Variants in SPATA6L observed in about 807,000 individuals in gnomAD.
SPATA6L encodes the protein spermatogenesis associated 6 like, also known as spermatogenesis associated 6-like protein.
Under a neutral mutation model 49.2 loss-of-function variants are expected in SPATA6L, and 68 were observed. The ratio of observed to expected loss-of-function variants is 1.38; its 90% CI spans 1.14 to 1.69. The LOEUF is 1.69. Among genes scored for constraint, SPATA6L ranks in the 40% most tolerant of loss-of-function variants. The pLI is 0.00. For missense variants in SPATA6L, 668 were observed against 464.3 expected (o/e 1.44, Z -4.03); for synonymous variants, 198 against 165.7 (o/e 1.19, Z -1.50).
chr9:4,601,504 C>T (rs546821205), intron 11 of SPATA6L, among the ~76,000 whole-genome samples: 1 of 152,164 alleles, frequency 6.6e-6, no homozygotes, highest in Non-Finnish European at 1.5e-5. Flanking sequence ...GTATTCCAAC[C>T]CCTTCAACCC....
At position 4,662,186 on chromosome 9, in the gene SPATA6L, C is replaced by G. The variant is rs1839953230; in HGVS notation, c.40-150G>C. On this transcript the variant is annotated intron_variant, in intron 1 of 11. Coordinates refer to ENST00000682582, the MANE Select transcript of SPATA6L (RefSeq NM_001353486.2). This position sits in a 1 kb window ranked among gnomAD's most constrained non-coding sequence, Gnocchi z 4.9. ...CACCTGTACCTCCCAACGCCAACAT[C>G]CTCCCCTCTGCTCTCCTCACATTGG... 3 of 1,447,324 alleles carry G rather than the reference C, an allele frequency of 2.1e-6. No homozygotes were observed. In the South Asian group the frequency reaches 4.3e-5, roughly 21 times the overall value. The allele number at this position is 1,447,324 out of a possible 1,614,324, so 89.7% of individuals were successfully genotyped here. A position where few individuals can be genotyped will look rare whatever the true frequency, so the allele number is the denominator to read the frequency against.
chr9:4,650,737 G>A (rs1401507870), intron 3 of SPATA6L, among the ~76,000 whole-genome samples: 1 of 151,904 alleles, frequency 6.6e-6, no homozygotes, highest in East Asian at 1.9e-4. Flanking sequence ...TCAGTTCACT[G>A]CCACCTCTGC....
rs556287543 is a variant in SPATA6L at position 4,652,882 on chromosome 9, CTAAA to C, written c.226+3155_226+3158del. On this transcript the variant is annotated intron_variant, in intron 3 of 11. Coordinates refer to ENST00000682582, the MANE Select transcript of SPATA6L (RefSeq NM_001353486.2). ...AAAGGAAAAAGAAATGTAAAATAAC[CTAAA>C]TGAATGGAAACACATCCCACATTCA... Among the ~76,000 whole-genome samples, 20 of 151,204 alleles carry C rather than the reference CTAAA, an allele frequency of 1.3e-4. No homozygotes were observed. In the South Asian group the frequency reaches 2.1e-3, roughly 16 times the overall value.
intron 9 of SPATA6L, among the ~76,000 whole-genome samples, chr9:4,606,618 G>A (rs1222853813): frequency 2.2e-5 from 1 of 44,936 alleles, no homozygotes; most frequent in Non-Finnish European, 5.1e-5. Context: ...AAACAGAAAG[G>A]ACATCCACAC....
At chr9:4,606,322 T>G (rs1318967240) in intron 9 of SPATA6L, among the ~76,000 whole-genome samples, 1 of 142,404 alleles carries the variant, frequency 7.0e-6, no homozygotes, top group African/African-American at 2.7e-5. Flanking sequence ...TGCCTGCCTC[T>G]GTAGGCGCCA....
chr9:4,662,471 T>C lies in SPATA6L; in HGVS notation c.40-435A>G, dbSNP rs749885838. ...CCGGCAGCCCAGCCCATGGCGGCGG[T>C]GGCGGCGGCAGCAGGTTTGAGTTCC... is the stretch of plus-strand genomic sequence containing the variant. On this transcript the variant is annotated intron_variant, in intron 1 of 11. Coordinates refer to ENST00000682582, the MANE Select transcript of SPATA6L (RefSeq NM_001353486.2). This position sits in a 1 kb window ranked among gnomAD's most constrained non-coding sequence, Gnocchi z 4.9. 2 of 1,549,368 alleles carry C rather than the reference T, an allele frequency of 1.3e-6. No homozygotes were observed. The highest frequency in any genetic ancestry group is 1.9e-5 in the Admixed American group (1 of 52,672).
At chr9:4,620,391 A>G (rs1829011567) in intron 7 of SPATA6L, among the ~76,000 whole-genome samples, 2 of 152,126 alleles carry the variant, frequency 1.3e-5, no homozygotes, top group African/African-American at 4.8e-5. Context: ...CTTGCTTCTC[A>G]AAGTGCAGTC....
intron 1 of SPATA6L, chr9:4,663,096 C>G (rs754135761): frequency 1.2e-6 from 2 of 1,614,114 alleles, no homozygotes; most frequent in African/African-American, 2.7e-5. Context: ...GCTGGTGGTT[C>G]TGTGGGCCTT....
intron 3 of SPATA6L, among the ~76,000 whole-genome samples, chr9:4,638,765 C>CTTTTCTTTTA (rs1833383239): frequency 7.3e-6 from 1 of 137,542 alleles, no homozygotes. Flanking sequence ...GTTAAGAACT[C>CTTTTCTTTTA]TTTTCTTTTC....
intron 3 of SPATA6L, among the ~76,000 whole-genome samples, chr9:4,641,679 A>G (rs1188271891): frequency 6.6e-6 from 1 of 152,228 alleles, no homozygotes; most frequent in Admixed American, 6.5e-5. Context: ...AACTATATAT[A>G]GGGTATGCGC....
At chr9:4,627,777 C>T (rs192696335) in intron 5 of SPATA6L, 28 of 1,289,308 alleles carry the variant, frequency 2.2e-5, no homozygotes, top group East Asian at 5.5e-5. Context: ...GAATACAATC[C>T]GAGCATCAGC....
chr9:4,619,970 G>C (rs1188570594), intron 7 of SPATA6L, among the ~76,000 whole-genome samples: 1 of 152,158 alleles, frequency 6.6e-6, no homozygotes, highest in Non-Finnish European at 1.5e-5. Context: ...AGTGTGACCA[G>C]GGCTCAGGCA....
At chr9:4,609,072 T>C (rs904845625) in intron 9 of SPATA6L, among the ~76,000 whole-genome samples, 2 of 150,720 alleles carry the variant, frequency 1.3e-5, no homozygotes, top group Admixed American at 1.3e-4. Flanking sequence ...CCTCGACACA[T>C]ACGCTCTCCC....
chr9:4,648,032 G>A lies in SPATA6L; in HGVS notation c.226+8009C>T, dbSNP rs143418654. On this transcript the variant is annotated intron_variant, in intron 3 of 11. Coordinates refer to ENST00000682582, the MANE Select transcript of SPATA6L (RefSeq NM_001353486.2). ...GTATTTTTAGTTGAGATGGAGTTTC[G>A]CCATGTTGGCCAGGCTGGTCTCAAA... 2.5e-3 allele frequency among the ~76,000 whole-genome samples: 375 copies of A among 151,996 alleles called. 4 individuals carry two copies. Among genetic ancestry groups the A allele is most frequent in the African/African-American group, 8.7e-3 (362 of 41,460 alleles).
intron 3 of SPATA6L, chr9:4,646,466 A>C (rs1297706192): frequency 6.7e-7 from 1 of 1,500,038 alleles, no homozygotes; most frequent in Non-Finnish European, 8.9e-7. Context: ...TAATTTAGAA[A>C]CGGATTTACT....
At chr9:4,664,426 G>C (rs1259450353) in intron 1 of SPATA6L, 1 of 167,040 alleles carries the variant, frequency 6.0e-6, no homozygotes, top group African/African-American at 2.4e-5. Flanking sequence ...CATCATGGGA[G>C]TCTGCTGCTA....
At chr9:4,613,055 C>G (rs1489073539) in intron 9 of SPATA6L, among the ~76,000 whole-genome samples, 3 of 151,882 alleles carry the variant, frequency 2.0e-5, no homozygotes, top group Non-Finnish European at 4.4e-5. Flanking sequence ...TAGTGAAACC[C>G]CATCTCTACT....
At chr9:4,664,506 T>TCTTA (rs1840560011) in intron 1 of SPATA6L, 2 of 167,086 alleles carry the variant, frequency 1.2e-5, no homozygotes, top group African/African-American at 4.8e-5. Context: ...TGTTCATCCA[T>TCTTA]GGTGCCTCCC....
intron 2 of SPATA6L, among the ~76,000 whole-genome samples, chr9:4,656,740 T>C (rs762952833): frequency 2.0e-5 from 3 of 152,230 alleles, no homozygotes; most frequent in Non-Finnish European, 2.9e-5. Flanking sequence ...CTACTGTTTG[T>C]TGCTAAAAGC....
Sources: gnomAD v4.1 joint callset for allele counts (sites outside exome capture counted in the v4.1 genomes callset) on GRCh38, gnomAD v4.1.1 for gene constraint, Gnocchi (gnomAD v3.1) non-coding constraint, MANE v1.5 for transcripts, NCBI Gene and HGNC (gene_info 2026-07-23, HGNC 2026-07-21) for gene names.